The following LHFPL6 variants were observed in gnomAD, a reference collection of about 807,000 sequenced individuals.
LHFPL6 encodes LHFPL tetraspan subfamily member 6 protein.
A neutral mutation model predicts 20.6 loss-of-function variants in LHFPL6; 9 were observed. The observed-to-expected ratio is 0.44, with a 90% CI of 0.26 to 0.76. The LOEUF (loss-of-function observed/expected upper bound fraction) is 0.76, where lower values mean the gene tolerates loss of function less well. Among genes scored for constraint, LHFPL6 ranks in the 30% least tolerant of loss-of-function variants. The pLI is 0.20. For missense variants in LHFPL6, 218 were observed against 253.5 expected, an observed-to-expected ratio of 0.86 and a Z score of 0.95; for synonymous variants, 105 against 98.7, an observed-to-expected ratio of 1.06 and a Z score of -0.38.
chr13:39,358,599 A>G (rs111423261), intron 3 of LHFPL6, among the ~76,000 whole-genome samples: 550 of 25,226 alleles, frequency 0.022, 4 homozygotes, highest in African/African-American at 0.041. Flanking sequence ...CGGAGTAAAC[A>G]GACAGCCTAC....
chr13:39,410,183 A>G (rs185844282), intron 2 of LHFPL6, among the ~76,000 whole-genome samples: 45 of 152,352 alleles, frequency 3.0e-4, no homozygotes, highest in African/African-American at 1.1e-3. Context: ...GGTGATTTGA[A>G]AGAAAAAAAG....
chr13:39,445,195 T>C (rs750316970), intron 2 of LHFPL6, among the ~76,000 whole-genome samples: 1 of 152,220 alleles, frequency 6.6e-6, no homozygotes, highest in Non-Finnish European at 1.5e-5. Context: ...TAAACTTCTA[T>C]TGTTTATAAA....
At chr13:39,560,653 T>C (rs952207011) in intron 2 of LHFPL6, among the ~76,000 whole-genome samples, 14 of 152,024 alleles carry the variant, frequency 9.2e-5, no homozygotes, top group Non-Finnish European at 1.6e-4. Context: ...TAGCTGGAAC[T>C]ACAGGTGCCC....
At chr13:39,495,514 G>A (rs1869068746) in intron 2 of LHFPL6, among the ~76,000 whole-genome samples, 1 of 151,938 alleles carries the variant, frequency 6.6e-6, no homozygotes, top group South Asian at 2.1e-4. Context: ...CCATTTTAGA[G>A]GCTAGCAGTG....
intron 2 of LHFPL6, among the ~76,000 whole-genome samples, chr13:39,467,418 C>T (rs1211646969): frequency 3.3e-5 from 5 of 152,110 alleles, no homozygotes; most frequent in African/African-American, 1.2e-4. Context: ...ATCCTCTTGC[C>T]TGTGTTGGGG....
intron 2 of LHFPL6, among the ~76,000 whole-genome samples, chr13:39,437,892 A>C (rs938535147): frequency 8.3e-6 from 1 of 119,888 alleles, no homozygotes; most frequent in African/African-American, 2.9e-5. Flanking sequence ...ACAGAGCGAG[A>C]CTCCGTCTCA....
intron 2 of LHFPL6, among the ~76,000 whole-genome samples, chr13:39,517,233 T>C (rs550562510): frequency 1.6e-4 from 25 of 152,280 alleles, no homozygotes; most frequent in South Asian, 1.0e-3. Flanking sequence ...ATTTGCTGAT[T>C]GGAAAGAAAA....
intron 3 of LHFPL6, among the ~76,000 whole-genome samples, chr13:39,354,281 A>G (rs1346090631): frequency 2.0e-5 from 3 of 152,156 alleles, no homozygotes; most frequent in African/African-American, 7.2e-5. Flanking sequence ...TCCTGCACAG[A>G]GTCTTGGGCC....
At chr13:39,382,381 A>T (rs928984572) in intron 2 of LHFPL6, among the ~76,000 whole-genome samples, 44 of 152,068 alleles carry the variant, frequency 2.9e-4, no homozygotes, top group African/African-American at 1.0e-3. Context: ...AGGTTACATT[A>T]CTTTGTTTTT....
At position 39,601,042 on chromosome 13, in the gene LHFPL6, G is replaced by A. The variant is rs561350927; in HGVS notation, c.175C>T (p.Arg59Trp). 4.3e-6 allele frequency: 7 copies of A among 1,614,036 alleles called. No individual in the cohort carries two copies. The highest frequency in any genetic ancestry group is 1.3e-5 in the African/African-American group (1 of 74,910). The stretch of plus-strand genomic sequence containing the variant: ...TCCTCCACCATCACCATCATCTGCC[G>A]ACTCTCATCATGCACAGGATATGAG... ...RCSYPVHDESRQMMVMVEECG... is the reference protein window; with the variant it reads ...RCSYPVHDESWQMMVMVEECG... The change falls in exon 2 of 4, where the codon CGG becomes TGG. Residue 59 changes from arginine (R) to tryptophan (W), a missense_variant. Physicochemically the swap from Arg to Trp is moderately radical, Grantham distance 101 (BLOSUM62 -3). Transcript: ENST00000379589.
chr13:39,353,352 A>G (rs1369761771), intron 3 of LHFPL6, among the ~76,000 whole-genome samples: 1 of 152,110 alleles, frequency 6.6e-6, no homozygotes, highest in Non-Finnish European at 1.5e-5. Context: ...AGAGAAGACC[A>G]CCCAAACTTG....
chr13:39,433,003 G>A (rs907301194), intron 2 of LHFPL6, among the ~76,000 whole-genome samples: 5 of 152,146 alleles, frequency 3.3e-5, no homozygotes, highest in African/African-American at 1.2e-4. Context: ...CTCCTATGAG[G>A]CTAAGAAATA....
intron 3 of LHFPL6, among the ~76,000 whole-genome samples, chr13:39,352,044 T>C (rs1351748280): frequency 6.6e-6 from 1 of 152,240 alleles, no homozygotes; most frequent in South Asian, 2.1e-4. Context: ...TTCAACAGCA[T>C]GGTTTCAATT....
chr13:39,512,326 G>GT (rs1406710647), intron 2 of LHFPL6, among the ~76,000 whole-genome samples: 9 of 152,254 alleles, frequency 5.9e-5, no homozygotes, highest in Non-Finnish European at 7.4e-5. Context: ...GACCAGGCTG[G>GT]GTGCGGTGGC....
intron 2 of LHFPL6, among the ~76,000 whole-genome samples, chr13:39,598,674 G>C (rs1872840208): frequency 1.3e-5 from 2 of 151,986 alleles, no homozygotes; most frequent in African/African-American, 4.8e-5. Context: ...TCCTGCCTCA[G>C]CCTCCGAAGT....
chr13:39,435,062 C>CAAAAAAA (rs55701240), intron 2 of LHFPL6, among the ~76,000 whole-genome samples: 14 of 53,334 alleles, frequency 2.6e-4, no homozygotes, highest in South Asian at 1.3e-3. Flanking sequence ...GACTCCGTCT[C>CAAAAAAA]AAAAAAAAAA....
intron 2 of LHFPL6, among the ~76,000 whole-genome samples, chr13:39,415,312 C>T (rs370048614): frequency 8.3e-4 from 126 of 152,268 alleles, no homozygotes; most frequent in African/African-American, 2.8e-3. Flanking sequence ...AGCTTGCATA[C>T]TACTATATTG....
At chr13:39,431,397 A>C (rs779079049) in intron 2 of LHFPL6, among the ~76,000 whole-genome samples, 1 of 152,210 alleles carries the variant, frequency 6.6e-6, no homozygotes, top group African/African-American at 2.4e-5. Flanking sequence ...CCACGGCTTC[A>C]TTCTTGAAGT....
intron 2 of LHFPL6, 35 bp downstream of exon 2, chr13:39,600,797 T>G (rs1296027492): frequency 6.9e-7 from 1 of 1,448,306 alleles, no homozygotes; most frequent in Non-Finnish European, 9.1e-7. Flanking sequence ...GCTTTGGGAT[T>G]CCAGTAAACA....
Sources: allele counts gnomAD v4.1 joint callset (sites outside exome capture counted in the v4.1 genomes callset), GRCh38; gene constraint gnomAD v4.1.1; transcripts MANE v1.5; gene names NCBI Gene and HGNC (gene_info 2026-07-23, HGNC 2026-07-21).